Variants in AFF1 observed in about 807,000 individuals in gnomAD.
The protein encoded by AFF1 is ALF transcription elongation factor 1, also known as AF4/FMR2 family member 1.
AFF1 carries 48 observed loss-of-function variants against 121.7 expected under a neutral mutation model. The ratio of observed to expected loss-of-function variants is 0.39; its 90% CI spans 0.31 to 0.50. The LOEUF is 0.50. Ranked by LOEUF, AFF1 falls within the 20% of genes least tolerant of loss-of-function variation. AFF1 has a pLI of 0.76. For missense variants in AFF1, 1,523 were observed against 1,511.7 expected, an observed-to-expected ratio of 1.01 and a Z score of -0.12; for synonymous variants, 613 against 563.0, an observed-to-expected ratio of 1.09 and a Z score of -1.26.
chr4:87,063,481 C>T (rs1029934736), intron 4 of AFF1, among the ~76,000 whole-genome samples: 3 of 151,970 alleles, frequency 2.0e-5, no homozygotes, highest in Non-Finnish European at 4.4e-5. Context: ...TCAGGTGATC[C>T]GCCCACCTCG....
At chr4:87,087,926 A>C (rs923333187) in intron 5 of AFF1, among the ~76,000 whole-genome samples, 1 of 152,236 alleles carries the variant, frequency 6.6e-6, no homozygotes, top group African/African-American at 2.4e-5. Context: ...CCAAGTAAAT[A>C]AAACAGCAGG....
intron 8 of AFF1, among the ~76,000 whole-genome samples, chr4:87,100,070 C>T (rs1313031281): frequency 1.3e-5 from 2 of 152,098 alleles, no homozygotes; most frequent in Non-Finnish European, 2.9e-5. Context: ...TTGGGGAGCC[C>T]TTAAGGGTCC....
At chr4:87,033,942 A>T (rs569517988) in intron 2 of AFF1, among the ~76,000 whole-genome samples, 90 of 152,246 alleles carry the variant, frequency 5.9e-4, no homozygotes, top group African/African-American at 2.0e-3. Flanking sequence ...GTGCTGGGTA[A>T]ATAGGATCAA....
chr4:87,026,606 G>A (rs1371456266), intron 2 of AFF1, among the ~76,000 whole-genome samples: 3 of 152,236 alleles, frequency 2.0e-5, no homozygotes, highest in South Asian at 2.1e-4. Context: ...AGGAGGGCCC[G>A]TTAGTAGGGA....
At chr4:86,978,118 T>G (rs1225944256) in intron 2 of AFF1, among the ~76,000 whole-genome samples, 7 of 151,574 alleles carry the variant, frequency 4.6e-5, no homozygotes, top group Non-Finnish European at 7.4e-5. Flanking sequence ...ATGTTAGAAT[T>G]TTTTTAAAAT....
chr4:86,937,061 A>G (rs1720061560), intron 1 of AFF1, among the ~76,000 whole-genome samples: 1 of 152,184 alleles, frequency 6.6e-6, no homozygotes, highest in Non-Finnish European at 1.5e-5. Context: ...CTTTTTTCAA[A>G]TATAACTTAC....
intron 2 of AFF1, among the ~76,000 whole-genome samples, chr4:87,042,699 G>A (rs1323016361): frequency 5.3e-5 from 8 of 152,162 alleles, no homozygotes; most frequent in Admixed American, 3.9e-4. Context: ...AAATTTTTTT[G>A]ACACTAATGA....
intron 2 of AFF1, among the ~76,000 whole-genome samples, chr4:87,041,579 A>T (rs1416673256): frequency 6.6e-6 from 1 of 152,162 alleles, no homozygotes; most frequent in African/African-American, 2.4e-5. Flanking sequence ...GCTAAGGAGA[A>T]CTTGTAACTC....
intron 1 of AFF1, among the ~76,000 whole-genome samples, chr4:86,946,234 C>T (rs1015435627): frequency 6.6e-6 from 1 of 152,106 alleles, no homozygotes; most frequent in Non-Finnish European, 1.5e-5. Context: ...ACCGCAATAC[C>T]CTACCTTGAT....
chr4:86,955,424 AAGAG>A, intron 2 of AFF1, among the ~76,000 whole-genome samples: 1 of 152,280 alleles, frequency 6.6e-6, no homozygotes, highest in South Asian at 2.1e-4. Flanking sequence ...TCCTTATTGA[AAGAG>A]AGAATGTGCC....
chr4:87,002,815 C>T (rs1022867299), intron 2 of AFF1, among the ~76,000 whole-genome samples: 1 of 152,170 alleles, frequency 6.6e-6, no homozygotes, highest in African/African-American at 2.4e-5. Flanking sequence ...TGCGGAGCCT[C>T]ACGTGCTTCC....
intron 11 of AFF1, 22 bp downstream of exon 11, chr4:87,108,337 T>C (rs889178823): frequency 5.0e-6 from 8 of 1,607,148 alleles, no homozygotes; most frequent in Non-Finnish European, 6.8e-6. Flanking sequence ...CCCCTCGAGA[T>C]GGCCACCTTA....
At chr4:87,016,266 CT>C (rs1727287014) in intron 2 of AFF1, among the ~76,000 whole-genome samples, 4 of 152,176 alleles carry the variant, frequency 2.6e-5, no homozygotes, top group Admixed American at 1.3e-4. Context: ...TCTTTTATAT[CT>C]TTTGTTATAT....
At chr4:87,091,713 T>C (rs1240352465) in intron 6 of AFF1, 80 bp from the exon 7 acceptor site, 11 of 959,206 alleles carry the variant, frequency 1.1e-5, no homozygotes, top group African/African-American at 1.7e-5. Context: ...ATCCTTTTAA[T>C]ACTAAAAGCT....
At chr4:87,017,567 G>A (rs571182605) in intron 2 of AFF1, among the ~76,000 whole-genome samples, 64 of 152,114 alleles carry the variant, frequency 4.2e-4, no homozygotes, top group Non-Finnish European at 6.0e-4. Context: ...TCAAATAGCA[G>A]AATTTAAATA....
At chr4:86,989,841 C>T (rs1031112807) in intron 2 of AFF1, among the ~76,000 whole-genome samples, 2 of 152,126 alleles carry the variant, frequency 1.3e-5, no homozygotes, top group Non-Finnish European at 2.9e-5. Context: ...GAATACTATG[C>T]AGACATAAAA....
Position 87,077,314 on chromosome 4 carries a change from T to A in AFF1, c.1060-6806T>A, listed in dbSNP as rs189868312. On this transcript the variant is annotated intron_variant, in intron 4 of 20. Coordinates refer to ENST00000395146, the MANE Select transcript of AFF1 (RefSeq NM_001166693.3). ...TTTGTTTTGTTTTTTTTACAAAAAT[T>A]CAGTGTGGCGTGTATTACGTAGGGT... Among the ~76,000 whole-genome samples the A allele has an allele frequency of 2.1e-3, 316 of 152,108 alleles. 5 individuals are homozygous for A. Among genetic ancestry groups the A allele is most frequent in the African/African-American group, 6.5e-3 (268 of 41,482 alleles).
chr4:87,084,586 AAATAAATAAATAAAT>A (rs1723522755), intron 5 of AFF1, among the ~76,000 whole-genome samples: 1 of 148,860 alleles, frequency 6.7e-6, no homozygotes, highest in East Asian at 1.9e-4. Context: ...ATAAATAAAT[AAATAAATAAATAAAT>A]AAAAAATAAA....
chr4:87,060,835 C>CAAAAAAAAAAAAAAAAAAAAAAAA (rs749186199), intron 4 of AFF1, among the ~76,000 whole-genome samples: 11 of 62,294 alleles, frequency 1.8e-4, no homozygotes, highest in Non-Finnish European at 2.2e-4. Flanking sequence ...GACTCTGTCT[C>CAAAAAAAAAAAAAAAAAAAAAAAA]AAAAAAAAAA....
Sources: allele counts gnomAD v4.1 joint callset (sites outside exome capture counted in the v4.1 genomes callset), GRCh38; gene constraint gnomAD v4.1.1; transcripts MANE v1.5; gene names NCBI Gene and HGNC (gene_info 2026-07-23, HGNC 2026-07-21).